Variants in TNS2 observed in about 807,000 individuals in gnomAD.
The protein encoded by TNS2 is tensin-2.
Under a neutral mutation model 155.7 loss-of-function variants are expected in TNS2, and 77 were observed. That is an observed-to-expected ratio of 0.49 (90% CI 0.41 to 0.60). The LOEUF (loss-of-function observed/expected upper bound fraction) is 0.60. TNS2 is among the 20% of genes least tolerant of loss of function. The probability of loss-of-function intolerance (pLI) is 0.00; values close to 1 mark genes in which losing one functional copy is unlikely to be tolerated. For synonymous variants in TNS2, 726 were observed against 763.9 expected (o/e 0.95, Z 0.82); for missense variants, 1,703 against 1,868.8 (o/e 0.91, Z 1.64).
intron 13 of TNS2, 22 bp from the exon 14 acceptor site, chr12:53,058,005 G>A: frequency 6.2e-7 from 1 of 1,613,930 alleles, no homozygotes; most frequent in South Asian, 1.1e-5. Context: ...GTTCATCTCT[G>A]CCTTCTCCTC....
At chr12:53,062,810 T>C in intron 25 of TNS2, 113 bp downstream of exon 25, 1 of 1,301,482 alleles carries the variant, frequency 7.7e-7, no homozygotes, top group Non-Finnish European at 1.1e-6. Flanking sequence ...GGCCAACCCA[T>C]GAGGGCAGGG....
chr12:53,047,823 C>T (rs7304594), upstream of TNS2, among the ~76,000 whole-genome samples: 81,200 of 152,140 alleles, frequency 0.53, 24,997 homozygotes, highest in Non-Finnish European at 0.71. Flanking sequence ...GCGGCCCCCT[C>T]CAGTCTGCCC....
intron 23 of TNS2, 36 bp downstream of exon 23, chr12:53,062,281 T>G: frequency 6.2e-7 from 1 of 1,613,072 alleles, no homozygotes; most frequent in Non-Finnish European, 8.5e-7. Context: ...CTACGTTGGG[T>G]CGGTTTAGGG....
Position 53,053,762 on chromosome 12 carries a change from A to G in TNS2, c.262-12A>G, listed in dbSNP as rs759432768. ...ACTAACCACTCCCTTTTCCTCCCCC[A>G]TCTCCCTCTAGCGGCGAAACACGGC... On this transcript the variant is annotated splice_polypyrimidine_tract_variant and intron_variant, in intron 4 of 28. Transcript: ENST00000314250. The G allele has an allele frequency of 6.2e-7, 1 of 1,610,294 alleles. No individual in the cohort carries two copies. The highest frequency in any genetic ancestry group is 8.5e-7 in the Non-Finnish European group (1 of 1,178,856).
upstream of TNS2, chr12:53,049,802 G>C (rs929584050): frequency 1.8e-5 from 5 of 274,650 alleles, no homozygotes; most frequent in African/African-American, 1.2e-4. Flanking sequence ...GGCCCCACCG[G>C]GGGTGGGGGC....
intron 1 of TNS2, among the ~76,000 whole-genome samples, chr12:53,051,492 C>T (rs149392252): frequency 7.2e-4 from 106 of 147,334 alleles, no homozygotes; most frequent in African/African-American, 2.5e-3. Context: ...ACACAGGTCT[C>T]CATGCGGGGA....
chr12:53,058,938 G>C, intron 17 of TNS2, 109 bp from the exon 18 acceptor site: 1 of 1,558,770 alleles, frequency 6.4e-7, no homozygotes, highest in Admixed American at 1.7e-5. Flanking sequence ...ACTCCCGAGA[G>C]ACACCCCCGG....
At position 53,053,946 on chromosome 12, in the gene TNS2, A is replaced by G; in HGVS notation, c.301-19A>G. 1 of 1,614,172 alleles carries G rather than the reference A, an allele frequency of 6.2e-7. No individual in the cohort carries two copies. The highest frequency in any genetic ancestry group is 8.5e-7 in the Non-Finnish European group (1 of 1,180,010). On this transcript the variant is annotated intron_variant, in intron 5 of 28. Transcript: ENST00000314250. Reference sequence around the variant, plus strand: ...GGGGTACCCAAAGAGATGTCTAGACACTGTCTGTTAACCACCAGGGATCCA... The same window carrying G: ...GGGGTACCCAAAGAGATGTCTAGACGCTGTCTGTTAACCACCAGGGATCCA...
Position 53,061,249 on chromosome 12 carries a change from G to C in TNS2, c.3343G>C (p.Val1115Leu). Residue 1115 changes from valine (V) to leucine (L), a missense_variant, in exon 20 of 29, where the codon GTC (valine) becomes CTC (leucine). Val to Leu is a conservative substitution (Grantham distance 32). Transcript: ENST00000314250. ...CTTCGCACCTCTGCTCTCAGATAAT[G>C]TCCCCCAAACCCCAGGTATAAAGGC... ...VTFAPLLSDNVPQTPEPPTQE... is the reference protein window; with the variant it reads ...VTFAPLLSDNLPQTPEPPTQE... 12 of 1,568,550 alleles carry C rather than the reference G, an allele frequency of 7.7e-6. No homozygotes were observed. The highest frequency in any genetic ancestry group is 1.0e-5 in the Non-Finnish European group (12 of 1,157,410).
chr12:53,061,796 G>C lies in TNS2; in HGVS notation c.3449-19G>C, dbSNP rs752610367. ...CTGTGAAAACTCCTCCCCACTGCCC[G>C]CTACCCCTCACCCTGCAGCCATTGC... On this transcript the variant is annotated intron_variant, in intron 21 of 28. Coordinates refer to ENST00000314250, the MANE Select transcript of TNS2 (RefSeq NM_170754.4). The C allele has an allele frequency of 1.2e-6, 2 of 1,605,824 alleles. No homozygotes were observed. The highest frequency in any genetic ancestry group is 1.7e-6 in the Non-Finnish European group (2 of 1,175,720).
In TNS2 at chr12:53,062,261, C is replaced by T; in HGVS notation, c.3667+16C>T. On this transcript the variant is annotated intron_variant, in intron 23 of 28. Transcript: ENST00000314250. ...CCCTACTTTGGTGAGAAGCAGGAGC[C>T]TGGGGAAGGCTACGTTGGGTCGGTT... The T allele has an allele frequency of 6.2e-7, 1 of 1,613,608 alleles. No homozygotes were observed. The highest frequency in any genetic ancestry group is 8.5e-7 in the Non-Finnish European group (1 of 1,179,756).
Position 53,059,585 on chromosome 12 carries a change from A to G in TNS2, c.1944A>G (p.Ser648=). 6.2e-7 allele frequency: 1 copy of G among 1,606,324 alleles called. No individual in the cohort carries two copies. Among genetic ancestry groups the G allele is most frequent in the Non-Finnish European group, 8.5e-7 (1 of 1,176,686 alleles). The part of the protein sequence containing the change: ...MEKRRLCRSL[S]EGLYPYPPEM... ...AGAGGCGCCTCTGCCGATCGCTGTC[A>G]GAGGGGCTATACCCCTACCCACCTG... The change falls in exon 18 of 29, where the codon TCA becomes TCG. Residue 648 remains serine, a synonymous_variant. Transcript: ENST00000314250. The surrounding 1 kb of genome is among the most constrained non-coding windows in gnomAD (Gnocchi z 4.7).
At chr12:53,049,992 G>A (rs1943865525), upstream of TNS2, 2 of 1,387,638 alleles carry the variant, frequency 1.4e-6, no homozygotes, top group East Asian at 5.3e-5. Context: ...TCCACTTCCT[G>A]GAGCAGCGAC....
rs1944425451 is a variant in TNS2, at chr12:53,062,809, A to C, written c.3823+112A>C. On this transcript the variant is annotated intron_variant, in intron 25 of 28. Transcript: ENST00000314250. ...GAGGTGGGTGAGCCCTGGCCAACCC[A>C]TGAGGGCAGGGGAGCCCCATACTGT... 4.9e-5 allele frequency: 65 copies of C among 1,314,638 alleles called. 1 individual carries two copies. In the South Asian group the frequency reaches 8.2e-4, roughly 17 times the overall value. The allele number at this position is 1,314,638 out of a possible 1,614,324, so 81.4% of individuals were successfully genotyped here. A position where few individuals can be genotyped will look rare whatever the true frequency, so the allele number is the denominator to read the frequency against.
At chr12:53,048,085 A>G (rs1943793571), upstream of TNS2, among the ~76,000 whole-genome samples, 2 of 152,160 alleles carry the variant, frequency 1.3e-5, no homozygotes, top group South Asian at 4.1e-4. Context: ...TGAGGGTCCA[A>G]GAGGGTCTAG....
rs763348030 is a variant in TNS2 at position 53,063,906 on chromosome 12, C to T, written c.*24C>T. ...GAAGGAAGGCCACAAGCTCAGAGCC[C>T]ACATCAACACTGCCCCCCTCCCAGC... On this transcript the variant is annotated 3_prime_UTR_variant, in exon 29 of 29. Transcript: ENST00000314250. The surrounding 1 kb of genome is among the most constrained non-coding windows in gnomAD (Gnocchi z 5.6). The T allele has an allele frequency of 2.5e-6, 4 of 1,611,864 alleles. No homozygotes were observed. The South Asian group carries it at 4.4e-5, about 18-fold the overall frequency.
chr12:53,051,788 G>T, intron 1 of TNS2, 67 bp from the exon 2 acceptor site: 1 of 1,288,488 alleles, frequency 7.8e-7, no homozygotes, highest in Non-Finnish European at 1.1e-6. Context: ...CAAGGCTCCT[G>T]CCCAGTCCCG....
Position 53,051,028 on chromosome 12 carries a change from A to G in TNS2, c.75+768A>G, listed in dbSNP as rs886267620. 2.6e-5 allele frequency among the ~76,000 whole-genome samples: 4 copies of G among 152,280 alleles called. No individual in the cohort carries two copies. In the South Asian group the frequency reaches 8.3e-4, roughly 32 times the overall value. On this transcript the variant is annotated intron_variant, in intron 1 of 28. Transcript: ENST00000314250. ...CAGAGGATGGGAGGAGAGAACCCAC[A>G]GTGGGAGGGGAAGGGACTGAGATAG...
At chr12:53,057,863 CT>C in intron 13 of TNS2, 30 bp downstream of exon 13, 1 of 1,613,496 alleles carries the variant, frequency 6.2e-7, no homozygotes, top group Non-Finnish European at 8.5e-7. Flanking sequence ...GCCCCTGACA[CT>C]TCATGACCAG....
Sources: gnomAD v4.1 joint callset for allele counts (sites outside exome capture counted in the v4.1 genomes callset) on GRCh38, gnomAD v4.1.1 for gene constraint, Gnocchi (gnomAD v3.1) non-coding constraint, MANE v1.5 for transcripts, NCBI Gene and HGNC (gene_info 2026-07-23, HGNC 2026-07-21) for gene names.